Variants in TRPM3 observed in about 807,000 individuals in gnomAD.
TRPM3 encodes long transient receptor potential channel 3.
In TRPM3, 77 loss-of-function variants were observed where a neutral mutation model predicts 181.2. The ratio of observed to expected loss-of-function variants is 0.42; its 90% CI spans 0.35 to 0.51. The LOEUF (loss-of-function observed/expected upper bound fraction) is 0.51. Among genes scored for constraint, TRPM3 ranks in the 20% least tolerant of loss-of-function variants. The probability of loss-of-function intolerance (pLI) is 0.01; values close to 1 mark genes in which losing one functional copy is unlikely to be tolerated. For missense variants in TRPM3, 1,759 were observed against 2,196.7 expected (o/e 0.80, Z 3.98); for synonymous variants, 745 against 796.4 (o/e 0.94, Z 1.09).
intron 1 of TRPM3, among the ~76,000 whole-genome samples, chr9:71,282,120 G>GGA (rs1185580223): frequency 1.9e-4 from 18 of 95,200 alleles, no homozygotes; most frequent in Non-Finnish European, 3.0e-4. Flanking sequence ...GAAAGAAAAA[G>GGA]AAAGAACGAA....
intron 8 of TRPM3, among the ~76,000 whole-genome samples, chr9:70,687,985 A>G (rs755191198): frequency 6.6e-6 from 1 of 152,232 alleles, no homozygotes; most frequent in African/African-American, 2.4e-5. Flanking sequence ...GATCTGCCAG[A>G]CAGTGAAAAG....
intron 1 of TRPM3, among the ~76,000 whole-genome samples, chr9:70,932,290 G>A (rs999053289): frequency 1.3e-5 from 2 of 152,124 alleles, no homozygotes; most frequent in South Asian, 2.1e-4. Context: ...GAGGGCCTTC[G>A]TAAACAGTCT....
chr9:70,898,781 A>G (rs1434902160), intron 1 of TRPM3, among the ~76,000 whole-genome samples: 1 of 151,424 alleles, frequency 6.6e-6, no homozygotes, highest in Non-Finnish European at 1.5e-5. Flanking sequence ...AGAAAAGAAA[A>G]GAAAAGAAAG....
chr9:71,283,777 A>G (rs1473856475), intron 1 of TRPM3, among the ~76,000 whole-genome samples: 1 of 152,210 alleles, frequency 6.6e-6, no homozygotes, highest in Non-Finnish European at 1.5e-5. Flanking sequence ...ACCCAGCTCT[A>G]TTCTTACATT....
At chr9:70,638,263 T>C (rs1417784108) in intron 11 of TRPM3, among the ~76,000 whole-genome samples, 1 of 152,200 alleles carries the variant, frequency 6.6e-6, no homozygotes, top group East Asian at 1.9e-4. Flanking sequence ...GCCTTGATTT[T>C]AGACTCTCCA....
At chr9:71,107,165 C>T (rs1408755599) in intron 1 of TRPM3, among the ~76,000 whole-genome samples, 1 of 152,196 alleles carries the variant, frequency 6.6e-6, no homozygotes, top group Non-Finnish European at 1.5e-5. Context: ...TGCACAGAGG[C>T]AGTCCCTCAC....
chr9:70,928,084 G>A (rs1181912918), intron 1 of TRPM3, among the ~76,000 whole-genome samples: 2 of 152,130 alleles, frequency 1.3e-5, no homozygotes, highest in African/African-American at 4.8e-5. Context: ...GGATATTTAG[G>A]TAATAGGGAA....
chr9:70,960,808 CG>C (rs2097129142), intron 1 of TRPM3, among the ~76,000 whole-genome samples: 1 of 152,140 alleles, frequency 6.6e-6, no homozygotes, highest in African/African-American at 2.4e-5. Flanking sequence ...TCCTCATCTC[CG>C]TGTTTCCCTG....
At chr9:70,663,076 AT>A (rs2061349820) in intron 9 of TRPM3, among the ~76,000 whole-genome samples, 1 of 152,162 alleles carries the variant, frequency 6.6e-6, no homozygotes, top group Non-Finnish European at 1.5e-5. Flanking sequence ...GGAATGAAAT[AT>A]TGTCTTTTGC....
At chr9:70,913,720 T>G (rs999356826) in intron 1 of TRPM3, among the ~76,000 whole-genome samples, 8 of 152,186 alleles carry the variant, frequency 5.3e-5, no homozygotes, top group Admixed American at 2.0e-4. Context: ...AATTTTTTTT[T>G]GTCTTAAATC....
intron 7 of TRPM3, 138 bp downstream of exon 7, chr9:70,783,967 C>A: frequency 2.8e-6 from 4 of 1,447,222 alleles, no homozygotes; most frequent in Non-Finnish European, 2.7e-6. Flanking sequence ...CCTCCCATGA[C>A]AGACATTTTT....
In TRPM3 at chr9:70,801,989, C is replaced by T. The variant is rs539170609; in HGVS notation, c.974-17710G>A. The stretch of plus-strand genomic sequence containing the variant: ...CCTGAAGGAGGAGCTATTAAAACAC[C>T]CACACTGCTGGACCCCACCTCCAGA... On this transcript the variant is annotated intron_variant, in intron 6 of 25. Coordinates refer to ENST00000677713, the MANE Select transcript of TRPM3 (RefSeq NM_001366145.2). Among the ~76,000 whole-genome samples, 286 of 152,232 alleles carry T rather than the reference C, an allele frequency of 1.9e-3. 1 individual carries two copies. Among genetic ancestry groups the T allele is most frequent in the Non-Finnish European group, 5.1e-4 (35 of 68,020 alleles).
chr9:70,572,036 C>T (rs1254614305), intron 22 of TRPM3, among the ~76,000 whole-genome samples: 1 of 151,998 alleles, frequency 6.6e-6, no homozygotes, highest in Non-Finnish European at 1.5e-5. Context: ...CAGTGGTTCC[C>T]GGACGTCTTT....
chr9:70,930,305 A>T (rs557900174), intron 1 of TRPM3, among the ~76,000 whole-genome samples: 1 of 152,320 alleles, frequency 6.6e-6, no homozygotes, highest in Admixed American at 6.5e-5. Flanking sequence ...CACAATAGTA[A>T]TTCAGGAAAT....
chr9:71,163,512 AT>A (rs1475277127), intron 1 of TRPM3, among the ~76,000 whole-genome samples: 20 of 152,264 alleles, frequency 1.3e-4, no homozygotes, highest in East Asian at 1.9e-4. Context: ...AAAGAGGAAA[AT>A]TTGGAAAAGA....
chr9:70,590,876 T>A (rs915235025), intron 22 of TRPM3, 155 bp downstream of exon 22: 1 of 893,948 alleles, frequency 1.1e-6, no homozygotes, highest in African/African-American at 1.7e-5. Flanking sequence ...TGTATTCACC[T>A]TCTGTAATTT....
chr9:70,788,822 A>G (rs1449230339), intron 6 of TRPM3, among the ~76,000 whole-genome samples: 1 of 152,122 alleles, frequency 6.6e-6, no homozygotes, highest in Non-Finnish European at 1.5e-5. Context: ...TAGATACCAT[A>G]TATGCACAGT....
intron 1 of TRPM3, among the ~76,000 whole-genome samples, chr9:71,203,792 C>T (rs1250994213): frequency 6.6e-6 from 1 of 152,144 alleles, no homozygotes. Context: ...ATTCTTCCTC[C>T]TTTTCTTCCT....
chr9:71,327,182 A>T (rs2089753665), intron 1 of TRPM3, among the ~76,000 whole-genome samples: 1 of 152,240 alleles, frequency 6.6e-6, no homozygotes, highest in Non-Finnish European at 1.5e-5. Context: ...AGGCAGAATT[A>T]GATTTTATTA....
Sources: allele counts gnomAD v4.1 joint callset (sites outside exome capture counted in the v4.1 genomes callset), GRCh38; gene constraint gnomAD v4.1.1; transcripts MANE v1.5; gene names NCBI Gene and HGNC (gene_info 2026-07-23, HGNC 2026-07-21).